Variants in ABL1 observed in about 807,000 individuals in gnomAD.
The protein encoded by ABL1 is tyrosine-protein kinase ABL1.
A neutral mutation model predicts 94.7 loss-of-function variants in ABL1; 11 were observed. The observed-to-expected ratio is 0.12, with a 90% confidence interval of 0.07 to 0.19. The LOEUF (loss-of-function observed/expected upper bound fraction) is 0.19, where lower values mean the gene tolerates loss of function less well. Among genes scored for constraint, ABL1 ranks in the 10% least tolerant of loss-of-function variants. The pLI, the probability that ABL1 is intolerant of heterozygous loss-of-function variation, is 1.00. For synonymous variants in ABL1, 656 were observed against 622.4 expected (o/e 1.05, Z -0.80); for missense variants, 1,082 against 1,489.4 (o/e 0.73, Z 4.50).
At chr9:130,746,145 A>G (rs1831884879) in intron 1 of ABL1, among the ~76,000 whole-genome samples, 1 of 151,956 alleles carries the variant, frequency 6.6e-6, no homozygotes. Context: ...GCTTATTTCC[A>G]AGCCTTTCCA....
At chr9:130,869,347 G>C (rs1165324861) in intron 4 of ABL1, among the ~76,000 whole-genome samples, 1 of 152,244 alleles carries the variant, frequency 6.6e-6, no homozygotes, top group East Asian at 1.9e-4. Flanking sequence ...CGCTGAGTGA[G>C]TGCTGGCCTC....
chr9:130,835,005 C>G, upstream of ABL1: 1 of 358,172 alleles, frequency 2.8e-6, no homozygotes, highest in Non-Finnish European at 5.6e-6. The surrounding 1 kb of genome is among the most constrained non-coding windows in gnomAD (Gnocchi z 4.6). Context: ...AGGCCTGCAC[C>G]CTCCCCGCCG....
At position 130,854,788 on chromosome 9, in the gene ABL1, CCTTT is replaced by C. The variant is rs780251727; in HGVS notation, c.254-9_254-6del. On this transcript the variant is annotated splice_polypyrimidine_tract_variant and intron_variant, in intron 2 of 10. Coordinates refer to ENST00000318560, the MANE Select transcript of ABL1 (RefSeq NM_005157.6). ...CAAAGCTGATATGTCTGATTTGGTT[CCTTT>C]CTTCTCAGGTGAAAAGCTCCGGGTC... 4.1e-5 allele frequency: 66 copies of C among 1,607,794 alleles called. No individual in the cohort carries two copies. The highest frequency in any genetic ancestry group is 5.6e-5 in the Non-Finnish European group (66 of 1,175,610).
intron 1 of ABL1, among the ~76,000 whole-genome samples, chr9:130,793,364 A>G (rs925554729): frequency 2.0e-5 from 3 of 152,142 alleles, no homozygotes; most frequent in African/African-American, 7.2e-5. Flanking sequence ...CTCCTCCAGC[A>G]TCTGCCCCCT....
At chr9:130,744,135 C>G (rs1302547860) in intron 1 of ABL1, among the ~76,000 whole-genome samples, 1 of 151,698 alleles carries the variant, frequency 6.6e-6, no homozygotes, top group Non-Finnish European at 1.5e-5. Flanking sequence ...TATCACAACC[C>G]TTCTTGTTTT....
chr9:130,848,503 G>GT (rs1428235341), intron 1 of ABL1, among the ~76,000 whole-genome samples: 2 of 142,688 alleles, frequency 1.4e-5, no homozygotes, highest in Non-Finnish European at 3.0e-5. Context: ...GGGCGATGGA[G>GT]TGAGACTCCA....
intron 1 of ABL1, among the ~76,000 whole-genome samples, chr9:130,799,132 G>A (rs1435709620): frequency 6.6e-6 from 1 of 152,128 alleles, no homozygotes. Context: ...TCATAAAGCT[G>A]TAGGCTAAGT....
chr9:130,719,813 G>A (rs148866470), intron 1 of ABL1, among the ~76,000 whole-genome samples: 9 of 152,304 alleles, frequency 5.9e-5, no homozygotes, highest in African/African-American at 2.2e-4. Context: ...AGCAGACATG[G>A]ATCTGGAAGC....
Position 130,854,095 on chromosome 9 carries a change from T to G in ABL1, c.111T>G (p.Phe37Leu). The change falls in exon 2 of 11, where the codon TTT becomes TTG. Residue 37 changes from phenylalanine to leucine, a missense_variant. Phe to Leu is a conservative substitution (Grantham distance 22). Around this residue, in one of 7 missense-constraint regions of ABL1, gnomAD observed 65 missense variants for 80.8 expected, o/e 0.80. Coordinates refer to ENST00000318560, the MANE Select transcript of ABL1 (RefSeq NM_005157.6). The stretch of plus-strand genomic sequence containing the variant: ...TTCAGCGGCCAGTAGCATCTGACTT[T>G]GAGCCTCAGGGTCTGAGTGAAGCCG... ...EALQRPVASD[F>L]EPQGLSEAAR... is the part of the protein sequence containing the mutation. The G allele has an allele frequency of 6.2e-7, 1 of 1,614,140 alleles. No homozygotes were observed. The highest frequency in any genetic ancestry group is 8.5e-7 in the Non-Finnish European group (1 of 1,180,004).
intron 1 of ABL1, among the ~76,000 whole-genome samples, chr9:130,845,309 A>G (rs554516554): frequency 3.0e-4 from 46 of 152,002 alleles, no homozygotes; most frequent in African/African-American, 1.0e-3. Context: ...TCTCCATCCT[A>G]ACTCCTATCC....
exon 1 of ABL1, chr9:130,714,289 T>A (rs756452390): frequency 6.4e-7 from 1 of 1,552,110 alleles, no homozygotes; most frequent in Non-Finnish European, 8.7e-7. Context: ...TCTTGAACCC[T>A]CTTCTGGAAA....
chr9:130,870,181 A>G (rs1359751737), intron 4 of ABL1, among the ~76,000 whole-genome samples: 1 of 152,198 alleles, frequency 6.6e-6, no homozygotes, highest in Non-Finnish European at 1.5e-5. Flanking sequence ...ACAAATTCAC[A>G]TTGATTTTTC....
chr9:130,806,782 TA>T (rs772676273), intron 1 of ABL1, among the ~76,000 whole-genome samples: 15 of 152,372 alleles, frequency 9.8e-5, no homozygotes, highest in Non-Finnish European at 1.9e-4. Context: ...TACACACCTT[TA>T]TTTTTTTAAC....
intron 1 of ABL1, among the ~76,000 whole-genome samples, chr9:130,731,611 C>T (rs868441393): frequency 6.6e-6 from 1 of 150,582 alleles, no homozygotes; most frequent in Non-Finnish European, 1.5e-5. Flanking sequence ...GAACTCCTTC[C>T]TGTTAATTTG....
chr9:130,845,756 T>C (rs569834310), intron 1 of ABL1, among the ~76,000 whole-genome samples: 1 of 151,564 alleles, frequency 6.6e-6, no homozygotes, highest in Non-Finnish European at 1.5e-5. Context: ...TAAAAGTCTT[T>C]TGAGGACTGT....
intron 1 of ABL1, among the ~76,000 whole-genome samples, chr9:130,749,909 C>T (rs1450319819): frequency 6.6e-6 from 1 of 151,978 alleles, no homozygotes; most frequent in Non-Finnish European, 1.5e-5. Context: ...CACAGTGGCT[C>T]ACACCTATAA....
chr9:130,835,036 G>T (rs1252006726), upstream of ABL1: 1 of 328,874 alleles, frequency 3.0e-6, no homozygotes, highest in African/African-American at 2.2e-5. The surrounding 1 kb of genome is among the most constrained non-coding windows in gnomAD (Gnocchi z 4.6). Flanking sequence ...GGCGCTTCCA[G>T]GCGGAGAAAG....
intron 1 of ABL1, among the ~76,000 whole-genome samples, chr9:130,819,832 C>T (rs569236300): frequency 2.6e-4 from 40 of 151,740 alleles, no homozygotes; most frequent in Admixed American, 2.0e-4. Context: ...TGAGCCACCG[C>T]GCCCAGCTGA....
intron 1 of ABL1, among the ~76,000 whole-genome samples, chr9:130,766,220 C>T (rs998309763): frequency 1.3e-5 from 2 of 152,236 alleles, no homozygotes; most frequent in African/African-American, 4.8e-5. Context: ...CCAGTGCCCC[C>T]GCCAGCCTGC....
Sources: allele counts gnomAD v4.1 joint callset (sites outside exome capture counted in the v4.1 genomes callset), GRCh38; gene constraint gnomAD v4.1.1; regional missense constraint gnomAD v4.1.1; non-coding constraint Gnocchi (gnomAD v3.1); transcripts MANE v1.5; gene names NCBI Gene and HGNC (gene_info 2026-07-23, HGNC 2026-07-21).